The following ACACB variants were observed in gnomAD, a reference collection of about 807,000 sequenced individuals.
ACACB encodes the protein acetyl-CoA carboxylase beta.
Under a neutral mutation model 278.8 loss-of-function variants are expected in ACACB, and 209 were observed. That is an observed-to-expected ratio of 0.75 (90% CI 0.67 to 0.84). ACACB has a LOEUF of 0.84. Among genes scored for constraint, ACACB ranks in the 40% least tolerant of loss-of-function variants. ACACB has a pLI of 0.00. For synonymous variants in ACACB, 1,174 were observed against 1,285.6 expected (o/e 0.91, Z 1.86); for missense variants, 2,850 against 3,269.0 (o/e 0.87, Z 3.13).
chr12:109,147,697 T>G (rs2043277228), intron 2 of ACACB, among the ~76,000 whole-genome samples: 1 of 152,162 alleles, frequency 6.6e-6, no homozygotes, highest in Non-Finnish European at 1.5e-5. Flanking sequence ...TGGTAGGCTT[T>G]GAATATCTGC....
At chr12:109,250,135 C>A in intron 41 of ACACB, 31 bp downstream of exon 41, 1 of 1,554,896 alleles carries the variant, frequency 6.4e-7, no homozygotes. Context: ...TCTTACTTTT[C>A]AACTTTCCAT....
rs1047151757 is a variant in ACACB at position 109,233,991 on chromosome 12, C to A, written c.4293C>A (p.Asp1431Glu). The change falls in exon 31 of 53, where the codon GAC (aspartate) becomes GAA (glutamate). Residue 1431 changes from aspartate to glutamate, a missense_variant. Coordinates refer to ENST00000338432, the MANE Select transcript of ACACB (RefSeq NM_001093.4). ...HILNVSIQCA[D>E]HLEDEALVPI... ...TGAATGTGTCCATCCAGTGTGCAGA[C>A]CACCTGGAGGATGAGGCACTGGTGC... The A allele has an allele frequency of 6.2e-7, 1 of 1,614,104 alleles. No individual in the cohort carries two copies. The highest frequency in any genetic ancestry group is 1.3e-5 in the African/African-American group (1 of 75,050).
chr12:109,141,141 G>C (rs902290415), intron 2 of ACACB, among the ~76,000 whole-genome samples: 1 of 151,818 alleles, frequency 6.6e-6, no homozygotes, highest in Non-Finnish European at 1.5e-5. Flanking sequence ...GGACTCAAGC[G>C]ATCCTCGGTC....
chr12:109,188,189 CCTTCCT>C (rs774640010), intron 13 of ACACB, 27 bp downstream of exon 13: 1 of 972,918 alleles, frequency 1.0e-6, no homozygotes, highest in East Asian at 2.7e-5. Flanking sequence ...TTCCTTCCTT[CCTTCCT>C]TCCTTCCTTC....
At chr12:109,143,462 CAAA>C (rs10696128) in intron 2 of ACACB, among the ~76,000 whole-genome samples, 36 of 104,022 alleles carry the variant, frequency 3.5e-4, no homozygotes, top group African/African-American at 5.0e-4. Context: ...GACCCTGTCT[CAAA>C]AAAAAAAAAA....
chr12:109,206,687 T>G (rs2136371513), intron 19 of ACACB, 23 bp from the exon 20 acceptor site: 1 of 1,612,672 alleles, frequency 6.2e-7, no homozygotes, highest in East Asian at 2.2e-5. Context: ...TCCTGACCTG[T>G]CGTTCTTGTG....
chr12:109,231,827 C>G (rs1032579987), intron 28 of ACACB, among the ~76,000 whole-genome samples: 1 of 152,156 alleles, frequency 6.6e-6, no homozygotes, highest in Admixed American at 6.5e-5. Context: ...CTTCCAGCCC[C>G]GCACCAGGGA....
intron 12 of ACACB, among the ~76,000 whole-genome samples, chr12:109,186,684 C>T (rs934537700): frequency 6.6e-6 from 1 of 152,086 alleles, no homozygotes; most frequent in Non-Finnish European, 1.5e-5. Flanking sequence ...AGAGAGGGTA[C>T]ACCTCCACCC....
At chr12:109,200,382 C>T (rs1048449971) in intron 18 of ACACB, among the ~76,000 whole-genome samples, 6 of 152,026 alleles carry the variant, frequency 3.9e-5, no homozygotes, top group Non-Finnish European at 7.4e-5. Context: ...GACAGGGTTT[C>T]GTCATGCTGC....
chr12:109,209,488 A>C (rs1197497170), intron 21 of ACACB, 135 bp downstream of exon 21: 2 of 889,978 alleles, frequency 2.2e-6, no homozygotes, highest in African/African-American at 3.4e-5. Flanking sequence ...TCAGGGGCCG[A>C]GGGTTTCCTT....
rs753381133 is a variant in ACACB at position 109,247,646 on chromosome 12, G to C, written c.5612G>C (p.Arg1871Thr). Residue 1871 changes from arginine to threonine, a missense_variant, in exon 40 of 53, where the codon AGA (arginine) becomes ACA (threonine). Physicochemically the swap from Arg to Thr is moderately conservative, Grantham distance 71. Transcript: ENST00000338432. Reference sequence around the variant, plus strand: ...TACCTGACTCCCCAAGACTACACCAGAATCAGCTCCCTGAACTCCGTCCAC... The same window carrying C: ...TACCTGACTCCCCAAGACTACACCACAATCAGCTCCCTGAACTCCGTCCAC... ...YLYLTPQDYT[R>T]ISSLNSVHCK... 59 of 1,613,920 alleles carry C rather than the reference G, an allele frequency of 3.7e-5. No homozygotes were observed. The highest frequency in any genetic ancestry group is 4.3e-5 in the Non-Finnish European group (51 of 1,180,002).
chr12:109,159,319 C>T (rs1034525856), intron 2 of ACACB, among the ~76,000 whole-genome samples: 6 of 152,290 alleles, frequency 3.9e-5, no homozygotes, highest in African/African-American at 1.2e-4. Flanking sequence ...TAGCCGTTAC[C>T]ATCTCTATTT....
chr12:109,131,898 G>GC (rs908441297), intron 1 of ACACB, among the ~76,000 whole-genome samples: 1 of 151,942 alleles, frequency 6.6e-6, no homozygotes, highest in African/African-American at 2.4e-5. Flanking sequence ...CTTGACCACG[G>GC]CCCCCCCACG....
Position 109,175,924 on chromosome 12 carries a change from T to A in ACACB, c.1217-7T>A. 2 of 1,613,326 alleles carry A rather than the reference T, an allele frequency of 1.2e-6. No homozygotes were observed. The highest frequency in any genetic ancestry group is 1.7e-6 in the Non-Finnish European group (2 of 1,179,422). ...GGGAGGAATCAGGTTTCTTTGTGAC[T>A]CTCCAGGCCTGACAGTGGAGTGGAC... On this transcript the variant is annotated splice_region_variant and splice_polypyrimidine_tract_variant and intron_variant, in intron 7 of 52. Transcript: ENST00000338432.
chr12:109,226,466 A>G (rs141787415), intron 27 of ACACB, among the ~76,000 whole-genome samples: 12,428 of 151,888 alleles, frequency 0.082, 1,358 homozygotes, highest in African/African-American at 0.24. Context: ...TTGGGAGGCC[A>G]AGGCGGGCGG....
intron 19 of ACACB, 135 bp downstream of exon 19, chr12:109,201,836 A>ATCACGGTGGCTGCTGC: frequency 8.1e-7 from 1 of 1,235,436 alleles, no homozygotes; most frequent in Non-Finnish European, 1.1e-6. Context: ...TCGTCGCAGC[A>ATCACGGTGGCTGCTGC]GCCACCGTGA....
rs1232125928 is a variant in ACACB, at chr12:109,232,678, G to A, written c.4011G>A (p.Val1337=). The change falls in exon 29 of 53, where the codon GTG becomes GTA. Residue 1337 remains valine, a synonymous_variant. Transcript: ENST00000338432. Reference sequence around the variant, plus strand: ...TGCCATCACCTTACAGGATGACCGTGCCCATCAGCATCACCAACCCTGACC... The same window carrying A: ...TGCCATCACCTTACAGGATGACCGTACCCATCAGCATCACCAACCCTGACC... ...LPSSHPNRMT[V]PISITNPDLL... 4 of 1,613,824 alleles carry A rather than the reference G, an allele frequency of 2.5e-6. No individual in the cohort carries two copies. The highest frequency in any genetic ancestry group is 3.4e-6 in the Non-Finnish European group (4 of 1,179,884).
At chr12:109,249,252 A>G (rs1020311156) in intron 40 of ACACB, 1 of 152,234 alleles carries the variant, frequency 6.6e-6, no homozygotes, top group African/African-American at 2.4e-5. Flanking sequence ...AGGCGCAGGC[A>G]GGGGAAGTCA....
chr12:109,125,336 C>T (rs925564975), intron 1 of ACACB: 3 of 152,218 alleles, frequency 2.0e-5, no homozygotes, highest in African/African-American at 7.2e-5. Context: ...GAAGATATCT[C>T]AGCTCATCAT....
Sources: gnomAD v4.1 joint callset for allele counts (sites outside exome capture counted in the v4.1 genomes callset) on GRCh38, gnomAD v4.1.1 for gene constraint, MANE v1.5 for transcripts, NCBI Gene and HGNC (gene_info 2026-07-23, HGNC 2026-07-21) for gene names.